Variants in SLC4A5 observed in about 807,000 individuals in gnomAD.
SLC4A5 encodes the protein electrogenic sodium bicarbonate cotransporter 4.
Under a neutral mutation model 120.4 loss-of-function variants are expected in SLC4A5, and 96 were observed. The observed-to-expected ratio is 0.80, with a 90% confidence interval of 0.68 to 0.94. The LOEUF (loss-of-function observed/expected upper bound fraction) is 0.94. SLC4A5 is among the 40% of genes least tolerant of loss of function. The pLI is 0.00. For missense variants in SLC4A5, 1,259 were observed against 1,459.5 expected, an observed-to-expected ratio of 0.86 and a Z score of 2.24; for synonymous variants, 550 against 571.1, an observed-to-expected ratio of 0.96 and a Z score of 0.53.
intron 6 of SLC4A5, among the ~76,000 whole-genome samples, chr2:74,311,868 CT>C (rs112065142): frequency 0.032 from 4,893 of 152,162 alleles, 271 homozygotes; most frequent in African/African-American, 0.11. Context: ...GATTTTCTGC[CT>C]GCCGGATCTG....
At position 74,252,401 on chromosome 2, in the gene SLC4A5, G is replaced by A. The variant is rs780966937; in HGVS notation, c.1269-13C>T. 10 of 1,605,952 alleles carry A rather than the reference G, an allele frequency of 6.2e-6. No homozygotes were observed. The highest frequency in any genetic ancestry group is 8.5e-6 in the Non-Finnish European group (10 of 1,173,756). Reference sequence around the variant, plus strand: ...GAACACAGATTTCCTGGAAGAGAAGGGGGATGAAGGAGAGTGGGTCCCCCA... The same window carrying A: ...GAACACAGATTTCCTGGAAGAGAAGAGGGATGAAGGAGAGTGGGTCCCCCA... On this transcript the variant is annotated splice_polypyrimidine_tract_variant and intron_variant, in intron 15 of 30. Transcript: ENST00000394019.
intron 7 of SLC4A5, among the ~76,000 whole-genome samples, chr2:74,293,912 A>C (rs181974482): frequency 1.3e-5 from 2 of 152,354 alleles, no homozygotes; most frequent in South Asian, 2.1e-4. Context: ...AGTCACTGTC[A>C]TAAGAATAGT....
chr2:74,262,430 T>C (rs1671170623), intron 10 of SLC4A5, among the ~76,000 whole-genome samples, 198 bp from the exon 11 acceptor site: 1 of 150,982 alleles, frequency 6.6e-6, no homozygotes, highest in Non-Finnish European at 1.5e-5. Flanking sequence ...CTGGGCACGA[T>C]GGCTCACGCC....
rs760609906 is a variant in SLC4A5 at position 74,253,179 on chromosome 2, T to C, written c.1114-51A>G. On this transcript the variant is annotated intron_variant, in intron 14 of 30. Transcript: ENST00000394019. ...AGAAAGATCGGGTCTGTTTCTGAAA[T>C]GCCTGGGAGCATATCACATCTAGTT... 36 of 1,607,398 alleles carry C rather than the reference T, an allele frequency of 2.2e-5. No homozygotes were observed. The Admixed American group carries it at 6.1e-4, about 27-fold the overall frequency.
At chr2:74,276,387 A>G (rs1444579252) in intron 8 of SLC4A5, among the ~76,000 whole-genome samples, 1 of 152,204 alleles carries the variant, frequency 6.6e-6, no homozygotes, top group Non-Finnish European at 1.5e-5. Flanking sequence ...GAAAGAAGAA[A>G]GGTGTGGATA....
At chr2:74,251,781 C>T (rs1670799794) in intron 16 of SLC4A5, among the ~76,000 whole-genome samples, 2 of 152,170 alleles carry the variant, frequency 1.3e-5, no homozygotes, top group African/African-American at 4.8e-5. Flanking sequence ...CAGGAGGAGG[C>T]CAGGAAGGAT....
chr2:74,322,177 T>C (rs1673114898), intron 5 of SLC4A5, among the ~76,000 whole-genome samples: 1 of 150,670 alleles, frequency 6.6e-6, no homozygotes, highest in Admixed American at 6.6e-5. Context: ...TTGCTGGATT[T>C]CCTGTTATCT....
At position 74,255,841 on chromosome 2, in the gene SLC4A5, A is replaced by G. The variant is rs773637676; in HGVS notation, c.959T>C (p.Ile320Thr). The G allele has an allele frequency of 6.2e-7, 1 of 1,614,142 alleles. No individual in the cohort carries two copies. The highest frequency in any genetic ancestry group is 1.7e-5 in the Admixed American group (1 of 60,016). The change falls in exon 13 of 31, where the codon ATC becomes ACC. Residue 320 changes from isoleucine to threonine, a missense_variant. Ile to Thr is a moderately conservative substitution (Grantham distance 89, BLOSUM62 -1). Transcript: ENST00000394019. This position sits in a 1 kb window ranked among gnomAD's most constrained non-coding sequence, Gnocchi z 4.0. ...CGACTGGATGAGGCGCACGAACGCG[A>G]TGAATGGCTGGTCTAGGAAGTCCAC...
intron 18 of SLC4A5, among the ~76,000 whole-genome samples, chr2:74,247,838 CT>C (rs1188517713): frequency 6.6e-6 from 1 of 152,036 alleles, no homozygotes; most frequent in Non-Finnish European, 1.5e-5. Flanking sequence ...TTTTAAAGAT[CT>C]TATGGAGGAG....
chr2:74,329,487 G>A (rs372951826), intron 4 of SLC4A5, among the ~76,000 whole-genome samples: 1 of 152,294 alleles, frequency 6.6e-6, no homozygotes, highest in African/African-American at 2.4e-5. Flanking sequence ...TACTCAGGAG[G>A]CTGAGGCAGG....
intron 17 of SLC4A5, among the ~76,000 whole-genome samples, chr2:74,248,737 A>G (rs540656721): frequency 6.6e-6 from 1 of 152,354 alleles, no homozygotes; most frequent in South Asian, 2.1e-4. Context: ...CAGGGCCTAG[A>G]AAACAGTGGA....
At chr2:74,300,539 C>G (rs1034548094) in intron 7 of SLC4A5, among the ~76,000 whole-genome samples, 2 of 152,208 alleles carry the variant, frequency 1.3e-5, no homozygotes, top group South Asian at 4.1e-4. Flanking sequence ...GCTGCCTTTT[C>G]TAGCTAATTT....
chr2:74,257,440 G>A (rs1225670547), intron 12 of SLC4A5, among the ~76,000 whole-genome samples: 1 of 152,086 alleles, frequency 6.6e-6, no homozygotes, highest in Non-Finnish European at 1.5e-5. Flanking sequence ...TAACAGGGCA[G>A]CCACCGTCTC....
chr2:74,227,760 C>T (rs1281852413), intron 26 of SLC4A5, 50 bp downstream of exon 26: 2 of 1,501,342 alleles, frequency 1.3e-6, no homozygotes, highest in Admixed American at 2.1e-5. Context: ...TGGAACCAGA[C>T]ATGGAATGTT....
At chr2:74,230,837 G>A (rs1283533739) in intron 25 of SLC4A5, among the ~76,000 whole-genome samples, 2 of 151,558 alleles carry the variant, frequency 1.3e-5, no homozygotes, top group African/African-American at 2.4e-5. Context: ...ACGGAGTTTC[G>A]CTCTTGCTGC....
At chr2:74,284,830 G>C (rs1483757130) in intron 8 of SLC4A5, among the ~76,000 whole-genome samples, 2 of 152,032 alleles carry the variant, frequency 1.3e-5, no homozygotes, top group African/African-American at 4.8e-5. Context: ...CCGTATATAT[G>C]GAGTGCTCTC....
intron 8 of SLC4A5, among the ~76,000 whole-genome samples, chr2:74,266,805 A>G (rs549973378): frequency 2.6e-4 from 40 of 152,320 alleles, no homozygotes; most frequent in African/African-American, 9.6e-4. Context: ...ATAAAACCAT[A>G]AAGGAAAAAA....
At chr2:74,285,797 T>C (rs749031082) in exon 8 of SLC4A5, 15 of 1,611,594 alleles carry the variant, frequency 9.3e-6, no homozygotes, top group Non-Finnish European at 1.2e-5. Context: ...CCACTCCATC[T>C]GGTCTCCGTC....
intron 23 of SLC4A5, among the ~76,000 whole-genome samples, chr2:74,232,935 T>C (rs776659137): frequency 6.6e-5 from 10 of 152,126 alleles, no homozygotes; most frequent in African/African-American, 9.7e-5. Flanking sequence ...CACAGGGTCT[T>C]TGCGGTTCCT....
Sources: gnomAD v4.1 joint callset for allele counts (sites outside exome capture counted in the v4.1 genomes callset) on GRCh38, gnomAD v4.1.1 for gene constraint, Gnocchi (gnomAD v3.1) non-coding constraint, MANE v1.5 for transcripts, NCBI Gene and HGNC (gene_info 2026-07-23, HGNC 2026-07-21) for gene names.